CDC42: variants seen among roughly 807,000 people sequenced by gnomAD.
CDC42 encodes the protein cell division control protein 42 homolog.
Under a neutral mutation model 20.8 loss-of-function variants are expected in CDC42, and 1 was observed. The ratio of observed to expected loss-of-function variants is 0.05; its 90% CI spans 0.02 to 0.23. The LOEUF (loss-of-function observed/expected upper bound fraction) is 0.23, where lower values mean the gene tolerates loss of function less well. Ranked by LOEUF, CDC42 falls within the 10% of genes least tolerant of loss-of-function variation. The pLI is 1.00. For missense variants in CDC42, 49 were observed against 227.9 expected (o/e 0.21, Z 5.05); for synonymous variants, 72 against 84.8 (o/e 0.85, Z 0.83).
Position 22,093,796 on chromosome 1 carries a change from TGTAGTC to T in CDC42, c.*2280_*2285del, listed in dbSNP as rs1645737600. 6.6e-6 allele frequency among the ~76,000 whole-genome samples: 1 copy of T among 152,214 alleles called. No individual in the cohort carries two copies. Among genetic ancestry groups the T allele is most frequent in the Non-Finnish European group, 1.5e-5 (1 of 68,024 alleles). ...AAAGCAGGGACATATGTATCCTTAG[TGTAGTC>T]AGGGGCGTATAGGTCCTTGACTATT... On this transcript the variant is annotated 3_prime_UTR_variant, in exon 6 of 6. Coordinates refer to ENST00000656825, the MANE Select transcript of CDC42 (RefSeq NM_001791.4).
At chr1:22,071,124 A>C (rs1463856813) in intron 1 of CDC42, among the ~76,000 whole-genome samples, 1 of 143,484 alleles carries the variant, frequency 7.0e-6, no homozygotes, top group Admixed American at 7.4e-5. Context: ...GCTCACTGCA[A>C]GCTCTGCCTC....
intron 1 of CDC42, among the ~76,000 whole-genome samples, chr1:22,073,797 G>C (rs1377785199): frequency 6.8e-6 from 1 of 147,654 alleles, no homozygotes; most frequent in Non-Finnish European, 1.5e-5. Flanking sequence ...GGGACTACAG[G>C]TGTGTGCCAC....
chr1:22,064,636 C>G (rs1232148506), intron 1 of CDC42, among the ~76,000 whole-genome samples: 1 of 151,674 alleles, frequency 6.6e-6, no homozygotes, highest in Non-Finnish European at 1.5e-5. Flanking sequence ...AATTGACTTT[C>G]ACTTTGATGG....
intron 1 of CDC42, among the ~76,000 whole-genome samples, chr1:22,063,816 G>T (rs780348958): frequency 6.6e-6 from 1 of 152,104 alleles, no homozygotes; most frequent in Non-Finnish European, 1.5e-5. Flanking sequence ...CGCCTCCCGG[G>T]TTCAAGTGAT....
chr1:22,058,855 C>T (rs759739459), intron 1 of CDC42, among the ~76,000 whole-genome samples: 3 of 151,874 alleles, frequency 2.0e-5, no homozygotes, highest in Non-Finnish European at 4.4e-5. Flanking sequence ...CTTGCTATGT[C>T]ACCAGGCTGC....
At chr1:22,068,066 G>T (rs1341734248) in intron 1 of CDC42, among the ~76,000 whole-genome samples, 1 of 151,874 alleles carries the variant, frequency 6.6e-6, no homozygotes, top group African/African-American at 2.4e-5. Context: ...TAGGTGACAG[G>T]GTGAGACCCT....
chr1:22,064,272 CAAAT>C (rs760846676), intron 1 of CDC42: 5 of 151,090 alleles, frequency 3.3e-5, no homozygotes, highest in Non-Finnish European at 5.9e-5. Context: ...CCCTTCTAAT[CAAAT>C]ACTCTTGTGA....
chr1:22,077,098 G>T (rs1267621086), intron 1 of CDC42, among the ~76,000 whole-genome samples: 3 of 152,214 alleles, frequency 2.0e-5, no homozygotes, highest in African/African-American at 7.2e-5. Context: ...GGAGGTTGCA[G>T]TGAGCTGAGG....
At chr1:22,072,723 C>G (rs957809862) in intron 1 of CDC42, among the ~76,000 whole-genome samples, 1 of 152,116 alleles carries the variant, frequency 6.6e-6, no homozygotes, top group African/African-American at 2.4e-5. Context: ...ACTTTATTAA[C>G]ATAAATTCAG....
intron 3 of CDC42, among the ~76,000 whole-genome samples, chr1:22,082,875 A>ATTTTTTTTTTTTTTTTTTTTTT (rs3036839): frequency 4.3e-5 from 6 of 140,212 alleles, no homozygotes; most frequent in Non-Finnish European, 6.1e-5. Context: ...CACAGAGAAA[A>ATTTTTTTTTTTTTTTTTTTTTT]TTTTTATTTT....
intron 1 of CDC42, among the ~76,000 whole-genome samples, chr1:22,074,917 G>A (rs1301571849): frequency 6.6e-6 from 1 of 152,172 alleles, no homozygotes; most frequent in Non-Finnish European, 1.5e-5. Context: ...TGTAAGGCAG[G>A]GACAGGGAGA....
In CDC42 at chr1:22,094,826, T is replaced by C. The variant is rs1030758401; in HGVS notation, c.*3309T>C. ...TTTTCTCCTTTTGCCCTGCAAGTTG[T>C]CACTAAATTTGTGCTATCATAATTG... On this transcript the variant is annotated 3_prime_UTR_variant, in exon 6 of 6. Transcript: ENST00000656825. 3.9e-5 allele frequency among the ~76,000 whole-genome samples: 6 copies of C among 152,232 alleles called. No homozygotes were observed. The highest frequency in any genetic ancestry group is 1.4e-4 in the African/African-American group (6 of 41,452).
chr1:22,065,538 C>T (rs896532397), intron 1 of CDC42, among the ~76,000 whole-genome samples: 3 of 152,090 alleles, frequency 2.0e-5, no homozygotes, highest in Non-Finnish European at 4.4e-5. Context: ...TTTAATTTTG[C>T]GTAAGAATAA....
At chr1:22,079,952 C>T (rs1057315169) in intron 2 of CDC42, among the ~76,000 whole-genome samples, 19 of 152,014 alleles carry the variant, frequency 1.2e-4, no homozygotes, top group African/African-American at 4.1e-4. Context: ...TTAAATGAAC[C>T]GATTTAGGTA....
intron 1 of CDC42, chr1:22,053,514 C>G (rs1043779520): frequency 6.6e-6 from 1 of 152,200 alleles, no homozygotes; most frequent in African/African-American, 2.4e-5. Flanking sequence ...GGGGAGTTAC[C>G]TAACTACCTC....
intron 5 of CDC42, chr1:22,090,667 A>G: frequency 1.0e-6 from 1 of 985,342 alleles, no homozygotes; most frequent in Non-Finnish European, 1.2e-6. Context: ...CCATTTAAAC[A>G]GTTGACTTAC....
chr1:22,090,791 A>ACAACCGTTTGTATAAATGC (rs1322229328), intron 5 of CDC42: 1 of 985,206 alleles, frequency 1.0e-6, no homozygotes, highest in Non-Finnish European at 1.2e-6. Context: ...TTAAAAATAT[A>ACAACCGTTTGTATAAATGC]CAACCGTTTG....
At chr1:22,056,005 AT>A in intron 1 of CDC42, among the ~76,000 whole-genome samples, 1 of 151,932 alleles carries the variant, frequency 6.6e-6, no homozygotes, top group East Asian at 1.9e-4. Flanking sequence ...AAAAGGCTTC[AT>A]TCTGGAATTT....
rs1645767776 is a variant in CDC42, at chr1:22,097,924, C to T, written c.*6407C>T. 6.6e-6 allele frequency among the ~76,000 whole-genome samples: 1 copy of T among 152,210 alleles called. No individual in the cohort carries two copies. Among genetic ancestry groups the T allele is most frequent in the African/African-American group, 2.4e-5 (1 of 41,446 alleles). ...ATAAATGCTCGATGGATTTTGGGTC[C>T]ACCATGCATCTCTGAAGTAGAAGTG... On this transcript the variant is annotated 3_prime_UTR_variant, in exon 6 of 6. Coordinates refer to ENST00000656825, the MANE Select transcript of CDC42 (RefSeq NM_001791.4).
Sources: gnomAD v4.1 joint callset for allele counts (sites outside exome capture counted in the v4.1 genomes callset) on GRCh38, gnomAD v4.1.1 for gene constraint, MANE v1.5 for transcripts, NCBI Gene and HGNC (gene_info 2026-07-23, HGNC 2026-07-21) for gene names.